The following HHAT variants were observed in gnomAD, a reference collection of about 807,000 sequenced individuals.
HHAT encodes protein-cysteine N-palmitoyltransferase HHAT.
Under a neutral mutation model 70.8 loss-of-function variants are expected in HHAT, and 47 were observed. That is an observed-to-expected ratio of 0.66 (90% CI 0.53 to 0.85). HHAT has a LOEUF of 0.85. Ranked by LOEUF, HHAT falls within the 40% of genes least tolerant of loss-of-function variation. The pLI, the probability that HHAT is intolerant of heterozygous loss-of-function variation, is 0.00. For synonymous variants in HHAT, 228 were observed against 247.6 expected (o/e 0.92, Z 0.74); for missense variants, 609 against 604.8 (o/e 1.01, Z -0.07).
At position 210,568,634 on chromosome 1, in the gene HHAT, G is replaced by T. The variant is rs191146244; in HGVS notation, c.1044-19264G>T. On this transcript the variant is annotated intron_variant, in intron 9 of 11. Coordinates refer to ENST00000261458, the MANE Select transcript of HHAT (RefSeq NM_018194.6). ...GAGCCCCGTTAGAGAATTTTCTGGG[G>T]TTTAAATACCCTCTAGAGGTTGCCA... 2.1e-4 allele frequency among the ~76,000 whole-genome samples: 32 copies of T among 152,290 alleles called. 1 individual carries two copies. The East Asian group carries it at 6.0e-3, about 28-fold the overall frequency.
intron 8 of HHAT, among the ~76,000 whole-genome samples, chr1:210,492,830 C>A (rs996745289): frequency 7.2e-5 from 11 of 152,264 alleles, no homozygotes; most frequent in South Asian, 6.2e-4. Context: ...GAAAGCTAGA[C>A]TAAATGATCT....
chr1:210,330,803 A>G lies in HHAT; in HGVS notation c.-44+1699A>G, dbSNP rs372677042. On this transcript the variant is annotated intron_variant, in intron 1 of 11. Transcript: ENST00000261458. ...AAGGGGGATGGTGTTGGGATAATTC[A>G]AGCACGTTACATTTATTTTATTTAT... is the stretch of plus-strand genomic sequence containing the variant. Among the ~76,000 whole-genome samples the G allele has an allele frequency of 2.4e-4, 37 of 152,240 alleles. No individual in the cohort carries two copies. The East Asian group carries it at 5.8e-3, about 24-fold the overall frequency.
intron 8 of HHAT, among the ~76,000 whole-genome samples, chr1:210,475,098 C>T (rs932048696): frequency 6.6e-5 from 10 of 151,890 alleles, no homozygotes; most frequent in African/African-American, 2.4e-4. Context: ...TGAGTGCAAG[C>T]GATCCACCTG....
At chr1:210,615,380 C>T (rs532177208) in intron 10 of HHAT, among the ~76,000 whole-genome samples, 34 of 152,250 alleles carry the variant, frequency 2.2e-4, no homozygotes, top group East Asian at 5.8e-4. Flanking sequence ...GCGATGGGTT[C>T]GAACTTCCTC....
chr1:210,469,975 A>G (rs2094173342), intron 8 of HHAT, among the ~76,000 whole-genome samples: 1 of 152,094 alleles, frequency 6.6e-6, no homozygotes, highest in South Asian at 2.1e-4. Flanking sequence ...TATTTGTCCT[A>G]ATGCACTCCC....
intron 7 of HHAT, among the ~76,000 whole-genome samples, chr1:210,448,240 C>T (rs1461315352): frequency 2.0e-5 from 3 of 152,002 alleles, no homozygotes; most frequent in Non-Finnish European, 4.4e-5. Flanking sequence ...TGCCACCATG[C>T]CTGGCTAATT....
rs2148023583 is a variant in HHAT at position 210,362,282 on chromosome 1, G to A, written c.92-570G>A. Among the ~76,000 whole-genome samples the A allele has an allele frequency of 1.4e-5, 2 of 140,188 alleles. 1 individual carries two copies. Among genetic ancestry groups the A allele is most frequent in the South Asian group, 4.5e-4 (2 of 4,404 alleles). The allele number at this position is 140,188 out of a possible 152,430, so 92.0% of individuals were successfully genotyped here. On this transcript the variant is annotated intron_variant, in intron 2 of 11. Coordinates refer to ENST00000261458, the MANE Select transcript of HHAT (RefSeq NM_018194.6). ...TTTTTTGAGATGGAGTCTTGCTCTT[G>A]TTGCCCAAGCTGGAGTGCAATGGCA...
chr1:210,610,232 T>C (rs1349386096), intron 10 of HHAT, among the ~76,000 whole-genome samples: 1 of 152,252 alleles, frequency 6.6e-6, no homozygotes, highest in African/African-American at 2.4e-5. Context: ...CATGAGATGC[T>C]ATCTCATTGT....
intron 7 of HHAT, among the ~76,000 whole-genome samples, chr1:210,438,482 G>A (rs748030836): frequency 4.6e-5 from 7 of 151,746 alleles, no homozygotes; most frequent in Non-Finnish European, 8.8e-5. Context: ...CCCAGAAACT[G>A]CTCTGAAGTG....
intron 9 of HHAT, among the ~76,000 whole-genome samples, chr1:210,573,332 G>A (rs1656803936): frequency 6.6e-6 from 1 of 152,058 alleles, no homozygotes; most frequent in Admixed American, 6.5e-5. Flanking sequence ...GCTTTTCAAG[G>A]GTCCTGACCC....
chr1:210,463,605 T>A (rs1455213867), intron 7 of HHAT, among the ~76,000 whole-genome samples: 1 of 152,218 alleles, frequency 6.6e-6, no homozygotes, highest in Non-Finnish European at 1.5e-5. Flanking sequence ...GCTGTGTACA[T>A]CGGGGTACAA....
chr1:210,494,367 A>G (rs2094597690), intron 8 of HHAT, among the ~76,000 whole-genome samples: 1 of 152,080 alleles, frequency 6.6e-6, no homozygotes, highest in Non-Finnish European at 1.5e-5. Context: ...TATATCTCAA[A>G]GTAGAGCTAA....
intron 7 of HHAT, among the ~76,000 whole-genome samples, chr1:210,460,598 T>C (rs2093959710): frequency 6.6e-6 from 1 of 152,228 alleles, no homozygotes; most frequent in East Asian, 1.9e-4. Flanking sequence ...CTATAAGGGC[T>C]GTTAGCATGC....
At chr1:210,590,189 C>T (rs188733488) in intron 10 of HHAT, 109 of 152,274 alleles carry the variant, frequency 7.2e-4, no homozygotes, top group African/African-American at 2.5e-3. Context: ...AATCTTCCTC[C>T]AGTACCCTGT....
At chr1:210,462,969 A>C (rs1268931222) in intron 7 of HHAT, 1 of 152,050 alleles carries the variant, frequency 6.6e-6, no homozygotes, top group African/African-American at 2.4e-5. Context: ...TCCTGCAGTA[A>C]TTTTCTGCAC....
chr1:210,615,028 A>G (rs1004566519), intron 10 of HHAT, among the ~76,000 whole-genome samples: 1 of 152,208 alleles, frequency 6.6e-6, no homozygotes, highest in Non-Finnish European at 1.5e-5. Flanking sequence ...AGTCCCACCA[A>G]CAGTGTAATA....
intron 9 of HHAT, among the ~76,000 whole-genome samples, chr1:210,585,076 A>C (rs1385605274): frequency 1.3e-5 from 2 of 152,200 alleles, no homozygotes. Flanking sequence ...CTTCAAGTTT[A>C]ATTGTTCCTG....
chr1:210,446,930 T>A (rs2093646906), intron 7 of HHAT, among the ~76,000 whole-genome samples: 1 of 152,224 alleles, frequency 6.6e-6, no homozygotes, highest in South Asian at 2.1e-4. Context: ...CATAGGAACC[T>A]TAGTGAACTT....
At chr1:210,630,248 G>A (rs1004617119) in intron 11 of HHAT, among the ~76,000 whole-genome samples, 1 of 152,114 alleles carries the variant, frequency 6.6e-6, no homozygotes, top group Non-Finnish European at 1.5e-5. Context: ...ACCTTAGCAA[G>A]GTCCCTATTG....
Sources: gnomAD v4.1 joint callset for allele counts (sites outside exome capture counted in the v4.1 genomes callset) on GRCh38, gnomAD v4.1.1 for gene constraint, MANE v1.5 for transcripts, NCBI Gene and HGNC (gene_info 2026-07-23, HGNC 2026-07-21) for gene names.